Variants in FMO4 observed in about 807,000 individuals in gnomAD.
The protein encoded by FMO4 is flavin containing dimethylaniline monoxygenase 4, also known as dimethylaniline monooxygenase [N-oxide-forming] 4.
In FMO4, 38 loss-of-function variants were observed where a neutral mutation model predicts 43.3. That is an observed-to-expected ratio of 0.88 (90% CI 0.68 to 1.15). The LOEUF (loss-of-function observed/expected upper bound fraction) is 1.15. Ranked by LOEUF, FMO4 falls within the 50% of genes most tolerant of loss-of-function variation. The pLI is 0.00. For synonymous variants in FMO4, 224 were observed against 232.2 expected (o/e 0.96, Z 0.32); for missense variants, 631 against 663.3 (o/e 0.95, Z 0.54).
chr1:171,321,611 T>C (rs1662429186), intron 3 of FMO4, among the ~76,000 whole-genome samples: 1 of 152,192 alleles, frequency 6.6e-6, no homozygotes, highest in Non-Finnish European at 1.5e-5. Context: ...TTCCCAAATA[T>C]TTTCCATCCT....
chr1:171,331,847 T>C, intron 6 of FMO4, 65 bp downstream of exon 6: 1 of 1,473,736 alleles, frequency 6.8e-7, no homozygotes, highest in Non-Finnish European at 9.5e-7. Context: ...AAAGAGATAT[T>C]CAAAACTATG....
At chr1:171,321,535 T>C (rs1662425066) in intron 3 of FMO4, among the ~76,000 whole-genome samples, 2 of 152,224 alleles carry the variant, frequency 1.3e-5, no homozygotes, top group Admixed American at 1.3e-4. Context: ...CACTGTAATG[T>C]TTAGGGAATA....
intron 6 of FMO4, 114 bp downstream of exon 6, chr1:171,331,896 G>A: frequency 1.3e-6 from 1 of 799,074 alleles, no homozygotes; most frequent in Non-Finnish European, 2.0e-6. Flanking sequence ...CAGACACACA[G>A]TAAGTGGGAA....
At chr1:171,329,693 G>GA (rs1571402685) in intron 5 of FMO4, among the ~76,000 whole-genome samples, 2 of 152,196 alleles carry the variant, frequency 1.3e-5, no homozygotes, top group Non-Finnish European at 2.9e-5. Context: ...CAACATGACA[G>GA]AAAAAAATGC....
At chr1:171,338,715 C>G (rs1305170543) in intron 9 of FMO4, among the ~76,000 whole-genome samples, 2 of 152,166 alleles carry the variant, frequency 1.3e-5, no homozygotes, top group African/African-American at 4.8e-5. Flanking sequence ...TTGCCTCTCC[C>G]CTTACCCTCC....
In FMO4 at chr1:171,334,487, G is replaced by A. The variant is rs573059844; in HGVS notation, c.904G>A (p.Val302Met). 1.2e-5 allele frequency: 20 copies of A among 1,613,612 alleles called. No homozygotes were observed. Among genetic ancestry groups the A allele is most frequent in the Admixed American group, 5.0e-5 (3 of 59,928 alleles). Residue 302 changes from valine (V) to methionine (M), a missense_variant, in exon 8 of 10, where the codon GTG becomes ATG. Coordinates refer to ENST00000367749, the MANE Select transcript of FMO4 (RefSeq NM_002022.3). The part of the protein sequence containing the change: ...LCGAITMKTS[V>M]IEFTETSAVF... Reference sequence around the variant, plus strand: ...TGGGGCAATCACTATGAAAACCAGCGTGATTGAATTTACAGAAACCTCTGC... The same window carrying A: ...TGGGGCAATCACTATGAAAACCAGCATGATTGAATTTACAGAAACCTCTGC...
At chr1:171,327,512 C>G (rs1407798947) in intron 5 of FMO4, among the ~76,000 whole-genome samples, 1 of 152,042 alleles carries the variant, frequency 6.6e-6, no homozygotes, top group Non-Finnish European at 1.5e-5. Flanking sequence ...CAAAAACAAA[C>G]AGGGAGGTTA....
Position 171,341,969 on chromosome 1 carries a change from A to T in FMO4, c.*130A>T, listed in dbSNP as rs996292908. 9 of 666,342 alleles carry T rather than the reference A, an allele frequency of 1.4e-5. No individual in the cohort carries two copies. In the African/African-American group the frequency reaches 1.6e-4, roughly 12 times the overall value. The allele number at this position is 666,342 out of a possible 1,614,324, so 41.3% of individuals were successfully genotyped here. On this transcript the variant is annotated 3_prime_UTR_variant, in exon 10 of 10. Coordinates refer to ENST00000367749, the MANE Select transcript of FMO4 (RefSeq NM_002022.3). ...GGCCCAGTCATCTCCTATCTGAATTATTGTATTATCTTCTTCTTTGTTTTC... is the reference window on the plus strand; with the variant it reads ...GGCCCAGTCATCTCCTATCTGAATTTTTGTATTATCTTCTTCTTTGTTTTC...
intron 8 of FMO4, among the ~76,000 whole-genome samples, chr1:171,336,328 G>A (rs1481751960): frequency 1.3e-5 from 2 of 152,146 alleles, no homozygotes; most frequent in Non-Finnish European, 2.9e-5. Context: ...TAGGAACCCA[G>A]AAGACAAACT....
intron 5 of FMO4, among the ~76,000 whole-genome samples, chr1:171,325,655 C>A (rs985327465): frequency 6.6e-6 from 1 of 151,736 alleles, no homozygotes; most frequent in Admixed American, 6.6e-5. Context: ...CACAACTGTA[C>A]AGTACTAAAG....
chr1:171,317,224 T>C (rs1424445967), intron 2 of FMO4, among the ~76,000 whole-genome samples: 1 of 152,190 alleles, frequency 6.6e-6, no homozygotes, highest in African/African-American at 2.4e-5. Flanking sequence ...AAAAAATATA[T>C]GCTCTCTTGT....
intron 5 of FMO4, among the ~76,000 whole-genome samples, chr1:171,329,289 G>A (rs979196783): frequency 2.6e-5 from 4 of 152,106 alleles, no homozygotes; most frequent in Admixed American, 1.3e-4. Context: ...TCAGAGAGAC[G>A]CTTTGTTACT....
In FMO4 at chr1:171,341,738, T is replaced by C; in HGVS notation, c.1576T>C (p.Ser526Pro). The C allele has an allele frequency of 6.2e-7, 1 of 1,613,786 alleles. No homozygotes were observed. The highest frequency in any genetic ancestry group is 8.5e-7 in the Non-Finnish European group (1 of 1,179,876). The stretch of plus-strand genomic sequence containing the variant: ...CTGGGGGGCACCTGTCCTACTTGCC[T>C]CTCTTCTACTTATCTGTAAATCTTC... ...KAWGAPVLLA[S>P]LLLICKSSLF... Residue 526 changes from serine (S) to proline (P), a missense_variant, in exon 10 of 10, where the codon TCT (serine) becomes CCT (proline). Coordinates refer to ENST00000367749, the MANE Select transcript of FMO4 (RefSeq NM_002022.3).
intron 8 of FMO4, among the ~76,000 whole-genome samples, chr1:171,337,089 G>A (rs992957662): frequency 5.9e-5 from 9 of 152,110 alleles, no homozygotes; most frequent in African/African-American, 2.2e-4. Flanking sequence ...ACAGGTGCAG[G>A]TGTCTGGTGA....
intron 5 of FMO4, among the ~76,000 whole-genome samples, chr1:171,330,199 T>A (rs1241496913): frequency 6.6e-6 from 1 of 152,198 alleles, no homozygotes; most frequent in Non-Finnish European, 1.5e-5. Flanking sequence ...CTTGAAGCCT[T>A]GGAGTGAGAG....
chr1:171,324,423 T>C (rs1662576429), intron 5 of FMO4, 123 bp downstream of exon 5: 1 of 698,004 alleles, frequency 1.4e-6, no homozygotes. Flanking sequence ...TTCTCAAAAA[T>C]AATATGTGCA....
intron 8 of FMO4, among the ~76,000 whole-genome samples, chr1:171,335,443 T>C (rs1399823253): frequency 6.6e-6 from 1 of 152,224 alleles, no homozygotes; most frequent in Non-Finnish European, 1.5e-5. Flanking sequence ...TGACCATTGC[T>C]ATTGCTATCA....
intron 5 of FMO4, among the ~76,000 whole-genome samples, chr1:171,329,310 C>A (rs1571402200): frequency 6.6e-6 from 1 of 152,208 alleles, no homozygotes; most frequent in East Asian, 1.9e-4. Context: ...GGGGATGTCT[C>A]AACTGTAGCT....
intron 9 of FMO4, 49 bp downstream of exon 9, chr1:171,337,474 C>CA (rs757795780): frequency 1.7e-5 from 22 of 1,270,972 alleles, no homozygotes; most frequent in East Asian, 2.3e-5. Flanking sequence ...TATTCTGTTA[C>CA]AAAAAAAGGA....
Sources: allele counts gnomAD v4.1 joint callset (sites outside exome capture counted in the v4.1 genomes callset), GRCh38; gene constraint gnomAD v4.1.1; transcripts MANE v1.5; gene names NCBI Gene and HGNC (gene_info 2026-07-23, HGNC 2026-07-21).